The following ME3 variants were observed in gnomAD, a reference collection of about 807,000 sequenced individuals.
ME3 encodes the protein NADP-dependent malic enzyme, mitochondrial.
In ME3, 48 loss-of-function variants were observed where a neutral mutation model predicts 68.9. The observed-to-expected ratio is 0.70, with a 90% CI of 0.55 to 0.89. ME3 has a LOEUF of 0.89. Ranked by LOEUF, ME3 falls within the 40% of genes least tolerant of loss-of-function variation. The pLI, the probability that ME3 is intolerant of heterozygous loss-of-function variation, is 0.00. For missense variants in ME3, 675 were observed against 797.4 expected (o/e 0.85, Z 1.85); for synonymous variants, 320 against 318.8 (o/e 1.00, Z -0.04).
intron 2 of ME3, among the ~76,000 whole-genome samples, chr11:86,567,274 GGA>G (rs1957541485): frequency 6.7e-6 from 1 of 148,602 alleles, no homozygotes; most frequent in Non-Finnish European, 1.5e-5. Flanking sequence ...AAGGAAGGAA[GGA>G]AGGGAGGAAA....
chr11:86,634,440 G>A (rs1944207697), intron 2 of ME3, among the ~76,000 whole-genome samples: 1 of 152,218 alleles, frequency 6.6e-6, no homozygotes, highest in Non-Finnish European at 1.5e-5. Context: ...AGACTTCCCA[G>A]TTTTCTTAGC....
intron 4 of ME3, among the ~76,000 whole-genome samples, chr11:86,526,085 G>T (rs1259526444): frequency 1.3e-5 from 2 of 152,248 alleles, no homozygotes; most frequent in Non-Finnish European, 2.9e-5. Flanking sequence ...CCTCACCCAG[G>T]AAGCACAAGG....
chr11:86,618,343 C>T (rs998559034), intron 2 of ME3, among the ~76,000 whole-genome samples: 1 of 120,786 alleles, frequency 8.3e-6, no homozygotes, highest in African/African-American at 3.0e-5. Context: ...GGATCATAAA[C>T]TACCTAACAT....
chr11:86,588,146 A>T (rs74942644), intron 2 of ME3, among the ~76,000 whole-genome samples: 5,557 of 152,342 alleles, frequency 0.036, 136 homozygotes, highest in Non-Finnish European at 0.054. Flanking sequence ...AGATAGGCAC[A>T]GTCTTGCCCT....
the ME3 span, chr11:86,434,936 G>C: frequency 2.2e-4 from 33 of 152,186 alleles, no homozygotes; most frequent in African/African-American, 8.0e-4. Context: ...CAAGTTTACC[G>C]TAGCAGTGGG....
intron 2 of ME3, among the ~76,000 whole-genome samples, chr11:86,659,166 C>A (rs1594813184): frequency 6.6e-6 from 1 of 152,184 alleles, no homozygotes; most frequent in Non-Finnish European, 1.5e-5. Flanking sequence ...AACGGACACA[C>A]AGGAGCGACA....
chr11:86,468,034 T>C (rs663262), intron 7 of ME3, among the ~76,000 whole-genome samples: 138,185 of 152,110 alleles, frequency 0.91, 62,963 homozygotes, highest in Non-Finnish European at 0.95. Flanking sequence ...CTGGCTGCTT[T>C]CTGGACCTTT....
chr11:86,465,040 G>C (rs1950407798), intron 8 of ME3, 51 bp downstream of exon 8: 1 of 1,442,156 alleles, frequency 6.9e-7, no homozygotes, highest in African/African-American at 1.4e-5. Flanking sequence ...CAGTGAGGTT[G>C]AGAATATAAG....
intron 4 of ME3, among the ~76,000 whole-genome samples, chr11:86,523,333 G>C (rs1305614477): frequency 6.6e-6 from 1 of 152,196 alleles, no homozygotes; most frequent in Non-Finnish European, 1.5e-5. Flanking sequence ...ATAAAATGAG[G>C]TAATATCACT....
At chr11:86,672,069 G>A in intron 1 of ME3, 111 bp from the exon 2 acceptor site, 1 of 904,424 alleles carries the variant, frequency 1.1e-6, no homozygotes, top group South Asian at 2.7e-5. Flanking sequence ...GAGAGGGCAG[G>A]TGCTCCCAAA....
intron 4 of ME3, among the ~76,000 whole-genome samples, chr11:86,550,572 T>C (rs557665364): frequency 3.5e-4 from 53 of 152,332 alleles, no homozygotes; most frequent in African/African-American, 1.2e-3. Flanking sequence ...AGCTGAAAGT[T>C]TCGCAGCAGA....
At chr11:86,547,063 C>T (rs577472610) in intron 4 of ME3, among the ~76,000 whole-genome samples, 1 of 151,792 alleles carries the variant, frequency 6.6e-6, no homozygotes, top group African/African-American at 2.4e-5. Flanking sequence ...ACAGTGAAAC[C>T]CCATCTCTAC....
At position 86,483,533 on chromosome 11, in the gene ME3, AAGAG is replaced by A. The variant is rs533410704; in HGVS notation, c.809+3800_809+3803del. 3.1e-3 allele frequency among the ~76,000 whole-genome samples: 474 copies of A among 151,974 alleles called. 4 individuals carry two copies. Among genetic ancestry groups the A allele is most frequent in the African/African-American group, 0.011 (451 of 41,486 alleles). On this transcript the variant is annotated intron_variant, in intron 7 of 14. Coordinates refer to ENST00000543262, the Ensembl canonical transcript of ME3. The stretch of plus-strand genomic sequence containing the variant: ...TGTGTGTGTGATTATGGTGAGGGGA[AAGAG>A]AGAGAGAGAATGAATGAATGAATGC...
chr11:86,534,052 T>G (rs2139294014), intron 4 of ME3, among the ~76,000 whole-genome samples: 1 of 147,678 alleles, frequency 6.8e-6, no homozygotes, highest in African/African-American at 2.5e-5. Flanking sequence ...ATTAAAAAAG[T>G]ATGGTAAAAA....
intron 7 of ME3, among the ~76,000 whole-genome samples, chr11:86,486,415 A>G (rs1951688961): frequency 6.6e-6 from 1 of 152,230 alleles, no homozygotes; most frequent in Non-Finnish European, 1.5e-5. Context: ...TGAAAAGTGG[A>G]GGGGTCAAAG....
chr11:86,504,763 T>G lies in ME3; in HGVS notation c.543+4029A>C, dbSNP rs182116382. Among the ~76,000 whole-genome samples, 543 of 152,190 alleles carry G rather than the reference T, an allele frequency of 3.6e-3. 3 individuals are homozygous for G. The highest frequency in any genetic ancestry group is 4.9e-3 in the Non-Finnish European group (331 of 68,002). On this transcript the variant is annotated intron_variant, in intron 5 of 14. Transcript: ENST00000543262. Reference sequence around the variant, plus strand: ...AGGCTGGAGTACAGTGGCACAAGGTTCACTGCAACCTCCGCCTCCCGGGTT... The same window carrying G: ...AGGCTGGAGTACAGTGGCACAAGGTGCACTGCAACCTCCGCCTCCCGGGTT...
In ME3 at chr11:86,641,449, C is replaced by T. The variant is rs146223749; in HGVS notation, c.183+30313G>A. Among the ~76,000 whole-genome samples the T allele has an allele frequency of 8.4e-4, 128 of 152,284 alleles. 1 individual carries two copies. The highest frequency in any genetic ancestry group is 2.9e-3 in the African/African-American group (122 of 41,562). On this transcript the variant is annotated intron_variant, in intron 2 of 14. Coordinates refer to ENST00000543262, the Ensembl canonical transcript of ME3. ...CCAAGAGTCCCTCAGATCTATAAAC[C>T]GTCAGCTAACTGGATGCAAATGTGT...
At chr11:86,452,557 C>T (rs1468689612) in intron 8 of ME3, among the ~76,000 whole-genome samples, 1 of 152,120 alleles carries the variant, frequency 6.6e-6, no homozygotes, top group Admixed American at 6.5e-5. Context: ...CACCTGAGGT[C>T]CTGTCTGAGG....
intron 9 of ME3, 130 bp downstream of exon 9, chr11:86,450,168 AGCT>A: frequency 1.0e-6 from 1 of 998,478 alleles, no homozygotes; most frequent in Admixed American, 2.1e-5. Flanking sequence ...GAGCCTAGGC[AGCT>A]GCAATGATCA....
Sources: gnomAD v4.1 joint callset for allele counts (sites outside exome capture counted in the v4.1 genomes callset) on GRCh38, gnomAD v4.1.1 for gene constraint, MANE v1.5 for transcripts, NCBI Gene and HGNC (gene_info 2026-07-23, HGNC 2026-07-21) for gene names.